The following KCNQ5 variants were observed in gnomAD, a reference collection of about 807,000 sequenced individuals.
KCNQ5 encodes the protein potassium voltage-gated channel subfamily KQT member 5.
In KCNQ5, 30 loss-of-function variants were observed where a neutral mutation model predicts 98.2. The observed-to-expected ratio is 0.31, with a 90% confidence interval of 0.23 to 0.41. KCNQ5 has a LOEUF of 0.41. KCNQ5 is among the 10% of genes least tolerant of loss of function. The pLI is 1.00. For synonymous variants in KCNQ5, 458 were observed against 449.4 expected (o/e 1.02, Z -0.24); for missense variants, 835 against 1,182.5 (o/e 0.71, Z 4.31).
intron 1 of KCNQ5, among the ~76,000 whole-genome samples, chr6:72,688,143 T>A (rs935198851): frequency 1.3e-5 from 2 of 152,170 alleles, no homozygotes; most frequent in Admixed American, 6.5e-5. Flanking sequence ...TTACATTGCT[T>A]TCTTAATCTA....
intron 1 of KCNQ5, among the ~76,000 whole-genome samples, chr6:72,851,113 C>T (rs924241122): frequency 2.0e-5 from 3 of 152,064 alleles, no homozygotes; most frequent in Non-Finnish European, 4.4e-5. Context: ...CACATTAAAA[C>T]AATGTATTAT....
At chr6:72,986,122 C>T (rs553286621) in intron 1 of KCNQ5, among the ~76,000 whole-genome samples, 12 of 152,120 alleles carry the variant, frequency 7.9e-5, no homozygotes, top group African/African-American at 1.7e-4. Flanking sequence ...CCTAGCTACT[C>T]GGGAGGCTGA....
chr6:72,834,139 T>A (rs1298105765), intron 1 of KCNQ5, among the ~76,000 whole-genome samples: 1 of 152,056 alleles, frequency 6.6e-6, no homozygotes, highest in East Asian at 1.9e-4. Context: ...AATGACAAAA[T>A]GTGAACATTT....
At chr6:72,885,507 TG>T (rs1311403922) in intron 1 of KCNQ5, among the ~76,000 whole-genome samples, 2 of 152,126 alleles carry the variant, frequency 1.3e-5, no homozygotes, top group Non-Finnish European at 2.9e-5. Flanking sequence ...TATTATAAAA[TG>T]GGAAATTTGA....
chr6:72,654,117 T>C (rs889099439), intron 1 of KCNQ5, among the ~76,000 whole-genome samples: 3 of 151,752 alleles, frequency 2.0e-5, no homozygotes, highest in Non-Finnish European at 4.4e-5. Flanking sequence ...TCATTTTAGA[T>C]AGGGGAAAAC....
chr6:72,908,142 G>A lies in KCNQ5; in HGVS notation c.399-95766G>A, dbSNP rs182439277. Among the ~76,000 whole-genome samples the A allele has an allele frequency of 2.3e-4, 35 of 152,040 alleles. No homozygotes were observed. The East Asian group carries it at 6.8e-3, about 29-fold the overall frequency. On this transcript the variant is annotated intron_variant, in intron 1 of 13. Transcript: ENST00000370398. ...CAATGACATATACCTTGAAAATTTGGAACATTTAAAAAGAGCTCAAATACA... is the reference window on the plus strand; with the variant it reads ...CAATGACATATACCTTGAAAATTTGAAACATTTAAAAAGAGCTCAAATACA...
At chr6:72,996,850 A>G (rs1381208180) in intron 1 of KCNQ5, among the ~76,000 whole-genome samples, 2 of 152,214 alleles carry the variant, frequency 1.3e-5, no homozygotes, top group Non-Finnish European at 2.9e-5. Context: ...ACGTCAGGAC[A>G]TAATTTCATA....
chr6:72,930,226 T>TG (rs36108474), intron 1 of KCNQ5, among the ~76,000 whole-genome samples: 45,312 of 151,906 alleles, frequency 0.3, 6,875 homozygotes, highest in South Asian at 0.33. Flanking sequence ...GTTAATTCAT[T>TG]GTGAAGGATT....
At chr6:73,084,225 T>C (rs904888859) in intron 5 of KCNQ5, among the ~76,000 whole-genome samples, 2 of 152,240 alleles carry the variant, frequency 1.3e-5, no homozygotes, top group African/African-American at 4.8e-5. Context: ...CGGGATGTGA[T>C]GGAAGTATCT....
intron 1 of KCNQ5, among the ~76,000 whole-genome samples, chr6:72,624,301 T>G (rs534315974): frequency 1.7e-4 from 26 of 152,376 alleles, no homozygotes; most frequent in African/African-American, 4.8e-4. Context: ...TAAAATAATT[T>G]AGCAATTATA....
chr6:73,040,523 A>G (rs975935795), intron 2 of KCNQ5, among the ~76,000 whole-genome samples: 1 of 152,200 alleles, frequency 6.6e-6, no homozygotes, highest in Non-Finnish European at 1.5e-5. Flanking sequence ...TACATTCAAA[A>G]CCAAAACAAA....
chr6:73,161,801 C>T (rs1777624163), intron 10 of KCNQ5, among the ~76,000 whole-genome samples: 1 of 152,044 alleles, frequency 6.6e-6, no homozygotes, highest in African/African-American at 2.4e-5. Flanking sequence ...TCTTCTTTAC[C>T]ATCCTCTCTC....
intron 1 of KCNQ5, among the ~76,000 whole-genome samples, chr6:72,781,081 A>G (rs1773440509): frequency 6.6e-6 from 1 of 152,124 alleles, no homozygotes; most frequent in Non-Finnish European, 1.5e-5. Flanking sequence ...TTATTTGGAA[A>G]TAGAGTCTTT....
intron 1 of KCNQ5, among the ~76,000 whole-genome samples, chr6:72,973,080 A>G (rs1427167340): frequency 2.0e-5 from 3 of 152,232 alleles, no homozygotes; most frequent in African/African-American, 7.2e-5. Context: ...TTTTGGTAAC[A>G]GAGGAAAACC....
chr6:72,846,541 G>A lies in KCNQ5; in HGVS notation c.399-157367G>A, dbSNP rs1219190394. On this transcript the variant is annotated intron_variant, in intron 1 of 13. Coordinates refer to ENST00000370398, the MANE Select transcript of KCNQ5 (RefSeq NM_019842.4). Reference sequence around the variant, plus strand: ...AAAAAAAAAAAAAATAGCCAGGCAAGGTAGCACATGCCCTGTAGTCCCAGC... The same window carrying A: ...AAAAAAAAAAAAAATAGCCAGGCAAAGTAGCACATGCCCTGTAGTCCCAGC... Among the ~76,000 whole-genome samples, 3 of 152,108 alleles carry A rather than the reference G, an allele frequency of 2.0e-5. No homozygotes were observed. In the East Asian group the frequency reaches 5.8e-4, roughly 29 times the overall value.
At position 73,077,514 on chromosome 6, in the gene KCNQ5, G is replaced by A; in HGVS notation, c.792+17G>A. Reference sequence around the variant, plus strand: ...CACAGCAAGGTAAGATTTGCTCTCTGAATTTAAAAACACAATTTTTGAAAC... The same window carrying A: ...CACAGCAAGGTAAGATTTGCTCTCTAAATTTAAAAACACAATTTTTGAAAC... On this transcript the variant is annotated intron_variant, in intron 4 of 13. Transcript: ENST00000370398. 6.3e-7 allele frequency: 1 copy of A among 1,592,552 alleles called. No individual in the cohort carries two copies. The highest frequency in any genetic ancestry group is 8.5e-7 in the Non-Finnish European group (1 of 1,171,568).
At chr6:72,942,136 C>T (rs755460277) in intron 1 of KCNQ5, among the ~76,000 whole-genome samples, 3 of 152,120 alleles carry the variant, frequency 2.0e-5, no homozygotes, top group Non-Finnish European at 4.4e-5. Flanking sequence ...TGCTAAGGCT[C>T]TCTACTGGAG....
intron 1 of KCNQ5, among the ~76,000 whole-genome samples, chr6:72,845,200 G>A (rs1776968496): frequency 6.6e-6 from 1 of 152,158 alleles, no homozygotes; most frequent in Admixed American, 6.6e-5. Context: ...TGTATACAGT[G>A]AGTGTGTAAA....
intron 1 of KCNQ5, among the ~76,000 whole-genome samples, chr6:72,952,658 A>ACCAC (rs1339604197): frequency 3.0e-4 from 45 of 152,202 alleles, no homozygotes; most frequent in African/African-American, 1.1e-3. Context: ...TAAGCTGAAG[A>ACCAC]GTTTAGACCT....
Sources: allele counts gnomAD v4.1 joint callset (sites outside exome capture counted in the v4.1 genomes callset), GRCh38; gene constraint gnomAD v4.1.1; transcripts MANE v1.5; gene names NCBI Gene and HGNC (gene_info 2026-07-23, HGNC 2026-07-21).